Variants in THRB observed in about 807,000 individuals in gnomAD.
The protein encoded by THRB is thyroid hormone receptor beta, also known as nuclear receptor subfamily 1 group A member 2.
Under a neutral mutation model 47.8 loss-of-function variants are expected in THRB, and 12 were observed. The ratio of observed to expected loss-of-function variants is 0.25; its 90% CI spans 0.16 to 0.41. The LOEUF is 0.41. Ranked by LOEUF, THRB falls within the 10% of genes least tolerant of loss-of-function variation. The pLI is 1.00. For synonymous variants in THRB, 218 were observed against 212.2 expected, an observed-to-expected ratio of 1.03 and a Z score of -0.24; for missense variants, 348 against 589.2, an observed-to-expected ratio of 0.59 and a Z score of 4.24.
chr3:24,336,475 A>C (rs2062257229), intron 2 of THRB, among the ~76,000 whole-genome samples: 1 of 152,242 alleles, frequency 6.6e-6, no homozygotes, highest in Admixed American at 6.5e-5. Flanking sequence ...AAAAATAATA[A>C]ACACAGAAAG....
Position 24,152,377 on chromosome 3 carries a change from C to A in THRB, c.384+13G>T. On this transcript the variant is annotated intron_variant, in intron 6 of 10. Transcript: ENST00000646209. ...TGGGCTAAGCTCTGTGCTTGTGGAC[C>A]CAGGGCAATTACCTTGCAGCCTTCA... 6.5e-7 allele frequency: 1 copy of A among 1,549,254 alleles called. No homozygotes were observed. Among genetic ancestry groups the A allele is most frequent in the Non-Finnish European group, 8.9e-7 (1 of 1,121,272 alleles).
intron 1 of THRB, among the ~76,000 whole-genome samples, chr3:24,455,873 T>TG (rs2073121505): frequency 6.6e-6 from 1 of 152,158 alleles, no homozygotes; most frequent in African/African-American, 2.4e-5. Flanking sequence ...CTGGAGAAGG[T>TG]GGGGCTACTA....
At chr3:24,135,839 AT>A (rs1221471338) in intron 8 of THRB, among the ~76,000 whole-genome samples, 4 of 120,868 alleles carry the variant, frequency 3.3e-5, no homozygotes, top group East Asian at 3.1e-4. Flanking sequence ...ATATATATAT[AT>A]ATATATAATA....
At chr3:24,310,486 G>T (rs1341353472) in intron 2 of THRB, among the ~76,000 whole-genome samples, 1 of 152,192 alleles carries the variant, frequency 6.6e-6, no homozygotes, top group Non-Finnish European at 1.5e-5. Context: ...GTGTGCATCA[G>T]AATAATCTAG....
At chr3:24,417,638 C>T (rs530685492) in intron 1 of THRB, among the ~76,000 whole-genome samples, 156 of 151,900 alleles carry the variant, frequency 1.0e-3, no homozygotes, top group Non-Finnish European at 1.8e-3. Context: ...TGGTGAACTT[C>T]GCACACGCTC....
chr3:24,204,157 G>A (rs1355376864), intron 4 of THRB, among the ~76,000 whole-genome samples: 1 of 152,250 alleles, frequency 6.6e-6, no homozygotes, highest in African/African-American at 2.4e-5. Context: ...AGAGAGTAGT[G>A]GTTCTCCAAG....
At chr3:24,240,597 C>T (rs536481595) in intron 3 of THRB, among the ~76,000 whole-genome samples, 13 of 152,236 alleles carry the variant, frequency 8.5e-5, no homozygotes, top group African/African-American at 2.6e-4. Flanking sequence ...AATAAATGAC[C>T]GGTTGCCTGC....
chr3:24,246,184 G>T (rs932812542), intron 3 of THRB, among the ~76,000 whole-genome samples: 2 of 152,180 alleles, frequency 1.3e-5, no homozygotes, highest in African/African-American at 4.8e-5. Context: ...CTCAATAAAT[G>T]TGAGTTGTTA....
intron 1 of THRB, among the ~76,000 whole-genome samples, chr3:24,397,834 C>T (rs753414144): frequency 6.6e-6 from 1 of 151,970 alleles, no homozygotes; most frequent in African/African-American, 2.4e-5. Flanking sequence ...CCACCCACCT[C>T]GGCCTTCTCA....
In THRB at chr3:24,149,845, T is replaced by C. The variant is rs1289344850; in HGVS notation, c.384+2545A>G. On this transcript the variant is annotated intron_variant, in intron 6 of 10. Coordinates refer to ENST00000646209, the MANE Select transcript of THRB (RefSeq NM_001354712.2). ...TATTTTAAAAAAATCCTTTTAGAGA[T>C]GAGCTGACAAAAGAGATGCCCTGGG... 3.3e-5 allele frequency among the ~76,000 whole-genome samples: 5 copies of C among 152,308 alleles called. No homozygotes were observed. The East Asian group carries it at 9.6e-4, about 29-fold the overall frequency.
intron 4 of THRB, among the ~76,000 whole-genome samples, chr3:24,222,749 C>T (rs977563034): frequency 6.6e-6 from 1 of 152,186 alleles, no homozygotes; most frequent in African/African-American, 2.4e-5. Context: ...AAAAGGCCCC[C>T]ATCACATTGT....
chr3:24,150,333 A>T (rs945422812), intron 6 of THRB, among the ~76,000 whole-genome samples: 1 of 152,304 alleles, frequency 6.6e-6, no homozygotes, highest in East Asian at 1.9e-4. Context: ...ACCGTGTTTC[A>T]CTTGAAAAAC....
At chr3:24,124,158 G>C (rs987402142) in intron 10 of THRB, among the ~76,000 whole-genome samples, 1 of 152,152 alleles carries the variant, frequency 6.6e-6, no homozygotes, top group Non-Finnish European at 1.5e-5. Context: ...AATCGAAACA[G>C]GGTTCTGCTT....
At chr3:24,357,998 G>A (rs1241188198) in intron 1 of THRB, among the ~76,000 whole-genome samples, 1 of 151,998 alleles carries the variant, frequency 6.6e-6, no homozygotes, top group Non-Finnish European at 1.5e-5. Context: ...TATGTCTGTT[G>A]ACTAGAATGG....
chr3:24,278,830 T>C (rs1402602659), intron 3 of THRB, among the ~76,000 whole-genome samples: 1 of 152,160 alleles, frequency 6.6e-6, no homozygotes, highest in African/African-American at 2.4e-5. Flanking sequence ...TCCTTACATT[T>C]ATATTACATT....
Position 24,119,717 on chromosome 3 carries a change from G to C in THRB, c.*3167C>G, listed in dbSNP as rs754106929. 2 of 152,242 alleles carry C rather than the reference G, an allele frequency of 1.3e-5. 1 individual carries two copies. Among genetic ancestry groups the C allele is most frequent in the South Asian group, 4.1e-4 (2 of 4,830 alleles). 9.4% of individuals were successfully genotyped at this position (152,242 alleles called of 1,614,324 possible). A position where few individuals can be genotyped will look rare whatever the true frequency, so the allele number is the denominator to read the frequency against. On this transcript the variant is annotated 3_prime_UTR_variant, in exon 11 of 11. Transcript: ENST00000646209. ...GCTGAGGCATCAACAGGTCAAGCGC[G>C]TCATTGAGGACCGAGGCTCTAGAAA...
intron 1 of THRB, among the ~76,000 whole-genome samples, chr3:24,447,364 A>T (rs1249093413): frequency 6.6e-6 from 1 of 152,202 alleles, no homozygotes; most frequent in Non-Finnish European, 1.5e-5. Flanking sequence ...TGAGCTTAAA[A>T]TAATCTCAAC....
intron 3 of THRB, among the ~76,000 whole-genome samples, chr3:24,275,528 C>G (rs1167909336): frequency 6.6e-6 from 1 of 152,140 alleles, no homozygotes; most frequent in African/African-American, 2.4e-5. Context: ...GGGGAAAAAG[C>G]TGACATTTGA....
chr3:24,349,420 G>T (rs573940351), intron 1 of THRB, among the ~76,000 whole-genome samples: 3 of 152,050 alleles, frequency 2.0e-5, no homozygotes, highest in Middle Eastern at 6.8e-3. Flanking sequence ...TGAAGGAGAA[G>T]AATATTAGAG....
Sources: gnomAD v4.1 joint callset for allele counts (sites outside exome capture counted in the v4.1 genomes callset) on GRCh38, gnomAD v4.1.1 for gene constraint, MANE v1.5 for transcripts, NCBI Gene and HGNC (gene_info 2026-07-23, HGNC 2026-07-21) for gene names.